The following LINGO2 variants were observed in gnomAD, a reference collection of about 807,000 sequenced individuals.
LINGO2 encodes leucine rich repeat and Ig domain containing 2.
LINGO2 carries 14 observed loss-of-function variants against 30.6 expected under a neutral mutation model. The observed-to-expected ratio is 0.46, with a 90% CI of 0.30 to 0.72. The LOEUF (loss-of-function observed/expected upper bound fraction) is 0.72, where lower values mean the gene tolerates loss of function less well. Ranked by LOEUF, LINGO2 falls within the 30% of genes least tolerant of loss-of-function variation. LINGO2 has a pLI of 0.07. For missense variants in LINGO2, 729 were observed against 751.7 expected (o/e 0.97, Z 0.35); for synonymous variants, 317 against 288.5 (o/e 1.10, Z -1.00).
chr9:28,121,673 T>G (rs1211251713), intron 4 of LINGO2, among the ~76,000 whole-genome samples: 1 of 152,250 alleles, frequency 6.6e-6, no homozygotes, highest in African/African-American at 2.4e-5. Flanking sequence ...ACAAGAACAT[T>G]CCTCAGAGAA....
the LINGO2 span, among the ~76,000 whole-genome samples, chr9:28,900,553 T>C: frequency 6.6e-6 from 1 of 152,076 alleles, no homozygotes; most frequent in East Asian, 1.9e-4. Flanking sequence ...CATACCCGGG[T>C]GCCAAGCCCA....
chr9:29,074,077 T>A, the LINGO2 span, among the ~76,000 whole-genome samples: 1 of 152,140 alleles, frequency 6.6e-6, no homozygotes, highest in Non-Finnish European at 1.5e-5. Context: ...CTTTGTGAAG[T>A]TATTATTAAT....
At chr9:28,640,662 G>A (rs1255629763) in intron 1 of LINGO2, among the ~76,000 whole-genome samples, 1 of 151,974 alleles carries the variant, frequency 6.6e-6, no homozygotes, top group African/African-American at 2.4e-5. Context: ...CTCGTGCCAT[G>A]GTTTTCAGCT....
rs566927474 is a variant in LINGO2, at chr9:28,511,921, C to T, written c.-364-35896G>A. ...AGCAGCTGTCCACTTTAGGGTGGTTCCTGCATATCATGAAAAACCGTCTGT... is the reference window on the plus strand; with the variant it reads ...AGCAGCTGTCCACTTTAGGGTGGTTTCTGCATATCATGAAAAACCGTCTGT... On this transcript the variant is annotated intron_variant, in intron 1 of 5. Transcript: ENST00000379992. 5.3e-5 allele frequency among the ~76,000 whole-genome samples: 8 copies of T among 152,250 alleles called. No individual in the cohort carries two copies. In the South Asian group the frequency reaches 1.7e-3, roughly 32 times the overall value.
intron 1 of LINGO2, among the ~76,000 whole-genome samples, chr9:28,664,944 A>G (rs1291688615): frequency 6.8e-6 from 1 of 146,944 alleles, no homozygotes; most frequent in Non-Finnish European, 1.5e-5. Context: ...CATCTAGAAC[A>G]TAAGGTCTAT....
chr9:28,045,427 G>GAGA lies in LINGO2; in HGVS notation c.-86-33023_-86-33022insTCT, dbSNP rs1393732700. Among the ~76,000 whole-genome samples, 30 of 152,168 alleles carry GAGA rather than the reference G, an allele frequency of 2.0e-4. 1 individual carries two copies. The East Asian group carries it at 4.8e-3, about 24-fold the overall frequency. ...CAAGTTAGCTCTAGCAACTTATAAA[G>GAGA]CTATATTCTCTTTGCATATCTGAAT... On this transcript the variant is annotated intron_variant, in intron 4 of 5. Coordinates refer to ENST00000379992, the Ensembl canonical transcript of LINGO2.
intron 3 of LINGO2, among the ~76,000 whole-genome samples, chr9:28,364,325 T>C (rs1181826419): frequency 1.3e-5 from 2 of 151,652 alleles, no homozygotes; most frequent in Non-Finnish European, 2.9e-5. Context: ...TGTCATCATC[T>C]ACCACTGTTA....
At chr9:28,370,992 C>T (rs1335229891) in intron 3 of LINGO2, among the ~76,000 whole-genome samples, 2 of 152,140 alleles carry the variant, frequency 1.3e-5, no homozygotes, top group Non-Finnish European at 2.9e-5. Context: ...TGCAAGCCAT[C>T]AGAAGTATCT....
At chr9:28,964,380 G>A in the LINGO2 span, among the ~76,000 whole-genome samples, 1 of 151,788 alleles carries the variant, frequency 6.6e-6, no homozygotes, top group South Asian at 2.1e-4. Flanking sequence ...AGCAGTAGCT[G>A]ATTAAGAAAA....
intron 4 of LINGO2, among the ~76,000 whole-genome samples, chr9:28,205,724 A>G (rs1189740591): frequency 6.6e-6 from 1 of 152,190 alleles, no homozygotes; most frequent in Non-Finnish European, 1.5e-5. Flanking sequence ...CAGAGAATTG[A>G]TCTTTATTAT....
In LINGO2 at chr9:28,148,723, T is replaced by C. The variant is rs1227712736; in HGVS notation, c.-86-136318A>G. The C allele has an allele frequency of 6.5e-7, 1 of 1,533,578 alleles. No homozygotes were observed. Among genetic ancestry groups the C allele is most frequent in the Non-Finnish European group, 8.7e-7 (1 of 1,146,196 alleles). The allele number at this position is 1,533,578 out of a possible 1,614,324, so 95.0% of individuals were successfully genotyped here. On this transcript the variant is annotated intron_variant, in intron 4 of 5. Transcript: ENST00000379992. The surrounding 1 kb of genome is among the most constrained non-coding windows in gnomAD (Gnocchi z 5.1). The stretch of plus-strand genomic sequence containing the variant: ...GAGTCGCCAGTTCACACAGCCCTGC[T>C]GGAGGCATCCTTCCCTTTGGGAAGC...
At chr9:28,744,755 G>C in the LINGO2 span, among the ~76,000 whole-genome samples, 1 of 151,032 alleles carries the variant, frequency 6.6e-6, no homozygotes, top group Non-Finnish European at 1.5e-5. Context: ...TCCTGCCTTA[G>C]CATCCTGAGT....
At chr9:28,760,796 C>G in the LINGO2 span, among the ~76,000 whole-genome samples, 1 of 151,862 alleles carries the variant, frequency 6.6e-6, no homozygotes, top group South Asian at 2.1e-4. Flanking sequence ...GAATAACAGT[C>G]TCCAATCTCA....
chr9:28,504,378 G>T (rs1025798644), intron 1 of LINGO2, among the ~76,000 whole-genome samples: 3 of 151,650 alleles, frequency 2.0e-5, no homozygotes, highest in African/African-American at 7.3e-5. Context: ...AATTCAACTT[G>T]TCATGGTATA....
At chr9:28,685,069 A>T in the LINGO2 span, among the ~76,000 whole-genome samples, 1 of 152,236 alleles carries the variant, frequency 6.6e-6, no homozygotes, top group South Asian at 2.1e-4. Flanking sequence ...TATAACTGAG[A>T]ACATGTGGTA....
At chr9:28,187,249 G>C (rs558966630) in intron 4 of LINGO2, among the ~76,000 whole-genome samples, 1 of 152,254 alleles carries the variant, frequency 6.6e-6, no homozygotes, top group East Asian at 1.9e-4. Context: ...TCAGCACTTT[G>C]GGAGGCTGAG....
At chr9:29,142,401 C>A in the LINGO2 span, among the ~76,000 whole-genome samples, 1 of 151,496 alleles carries the variant, frequency 6.6e-6, no homozygotes, top group Non-Finnish European at 1.5e-5. Context: ...AAAACCAGAA[C>A]TAAGAAAGAA....
At chr9:28,596,768 A>G (rs1018647137) in intron 1 of LINGO2, among the ~76,000 whole-genome samples, 4 of 152,190 alleles carry the variant, frequency 2.6e-5, no homozygotes, top group African/African-American at 4.8e-5. Context: ...CTTTATAAGT[A>G]TATGCACAGT....
intron 3 of LINGO2, among the ~76,000 whole-genome samples, chr9:28,367,527 T>A (rs912069473): frequency 6.6e-6 from 1 of 152,092 alleles, no homozygotes; most frequent in African/African-American, 2.4e-5. Context: ...CATTTTCTCT[T>A]CTTTCTTGGT....
Sources: allele counts gnomAD v4.1 joint callset (sites outside exome capture counted in the v4.1 genomes callset), GRCh38; gene constraint gnomAD v4.1.1; non-coding constraint Gnocchi (gnomAD v3.1); transcripts MANE v1.5; gene names NCBI Gene and HGNC (gene_info 2026-07-23, HGNC 2026-07-21).